The following TTBK2 variants were observed in gnomAD, a reference collection of about 807,000 sequenced individuals.
TTBK2 encodes the protein tau tubulin kinase 2.
A neutral mutation model predicts 110.8 loss-of-function variants in TTBK2; 28 were observed. The observed-to-expected ratio is 0.25, with a 90% CI of 0.19 to 0.35. The LOEUF is 0.35. TTBK2 is among the 10% of genes least tolerant of loss of function. The probability of loss-of-function intolerance (pLI) is 1.00; values close to 1 mark genes in which losing one functional copy is unlikely to be tolerated. For synonymous variants in TTBK2, 532 were observed against 527.3 expected, an observed-to-expected ratio of 1.01 and a Z score of -0.12; for missense variants, 1,369 against 1,500.3, an observed-to-expected ratio of 0.91 and a Z score of 1.45.
chr15:42,818,427 T>C (rs890213925), intron 6 of TTBK2, among the ~76,000 whole-genome samples: 6 of 152,216 alleles, frequency 3.9e-5, no homozygotes, highest in African/African-American at 1.4e-4. Flanking sequence ...CTTTCAACAT[T>C]GTCTCCATTC....
At chr15:42,771,471 A>G (rs1420180781) in intron 13 of TTBK2, among the ~76,000 whole-genome samples, 1 of 152,152 alleles carries the variant, frequency 6.6e-6, no homozygotes, top group Non-Finnish European at 1.5e-5. Context: ...TTCATTGCCA[A>G]CCTGACAGGT....
chr15:42,827,867 T>C (rs1595956363), intron 6 of TTBK2, 61 bp downstream of exon 6: 2 of 1,345,516 alleles, frequency 1.5e-6, no homozygotes, highest in East Asian at 4.7e-5. Flanking sequence ...GTTTAAAAAG[T>C]GTGATACTAT....
At chr15:42,816,111 T>C (rs1892013010) in intron 7 of TTBK2, among the ~76,000 whole-genome samples, 1 of 125,024 alleles carries the variant, frequency 8.0e-6, no homozygotes, top group Non-Finnish European at 1.6e-5. Context: ...TATATATATA[T>C]ATATATATGT....
At position 42,777,255 on chromosome 15, in the gene TTBK2, T is replaced by C. The variant is rs200470495; in HGVS notation, c.1198-13A>G. The C allele has an allele frequency of 6.2e-7, 1 of 1,613,514 alleles. No homozygotes were observed. The highest frequency in any genetic ancestry group is 1.1e-5 in the South Asian group (1 of 90,974). On this transcript the variant is annotated splice_polypyrimidine_tract_variant and intron_variant, in intron 11 of 14. Coordinates refer to ENST00000267890, the MANE Select transcript of TTBK2 (RefSeq NM_173500.4). ...CTTCAGTAGCAGCCTATCCAAAATA[T>C]AAAATAAAATCATGAAAAACATTCT...
intron 13 of TTBK2, among the ~76,000 whole-genome samples, chr15:42,759,106 A>G (rs944623420): frequency 5.9e-5 from 9 of 152,214 alleles, no homozygotes; most frequent in Admixed American, 2.6e-4. Flanking sequence ...GCTGGTGGCT[A>G]CAATGTCATG....
chr15:42,750,118 A>G (rs2061845224), intron 14 of TTBK2, among the ~76,000 whole-genome samples: 1 of 152,142 alleles, frequency 6.6e-6, no homozygotes, highest in Non-Finnish European at 1.5e-5. Context: ...AACCCACAGC[A>G]AATCCCGAAG....
chr15:42,872,376 T>C (rs1002915169), intron 3 of TTBK2, among the ~76,000 whole-genome samples: 11 of 152,192 alleles, frequency 7.2e-5, no homozygotes, highest in Non-Finnish European at 1.2e-4. Context: ...CACTCTCTTA[T>C]CCTTACTCCA....
intron 9 of TTBK2, chr15:42,800,979 T>G: frequency 1.3e-6 from 1 of 758,068 alleles, no homozygotes; most frequent in Non-Finnish European, 2.4e-6. Flanking sequence ...GGGCAGGACG[T>G]TGGAGGACTC....
Position 42,878,490 on chromosome 15 carries a change from TATACACACAC to T in TTBK2, c.69+49_69+58del, listed in dbSNP as rs1393072200. 3.0e-6 allele frequency: 4 copies of T among 1,343,928 alleles called. No individual in the cohort carries two copies. In the African/African-American group the frequency reaches 9.9e-5, roughly 33 times the overall value. 83.3% of individuals were successfully genotyped at this position (1,343,928 alleles called of 1,614,324 possible). A position where few individuals can be genotyped will look rare whatever the true frequency, so the allele number is the denominator to read the frequency against. ...ATACCAAAAATTACCCCCCGATATG[TATACACACAC>T]ACACACACACACACACACACACACA... On this transcript the variant is annotated intron_variant, in intron 2 of 14. Coordinates refer to ENST00000267890, the MANE Select transcript of TTBK2 (RefSeq NM_173500.4).
intron 1 of TTBK2, among the ~76,000 whole-genome samples, chr15:42,912,102 G>A (rs1389832291): frequency 4.6e-5 from 7 of 152,174 alleles, no homozygotes; most frequent in Non-Finnish European, 7.3e-5. Flanking sequence ...CTTGGTCTAC[G>A]TGAAAAGGGT....
chr15:42,753,596 A>G, intron 13 of TTBK2, among the ~76,000 whole-genome samples: 1 of 152,206 alleles, frequency 6.6e-6, no homozygotes, highest in East Asian at 1.9e-4. Context: ...ACAGGCAATC[A>G]GAGGGTTAGA....
intron 13 of TTBK2, among the ~76,000 whole-genome samples, chr15:42,770,900 T>G (rs1387671460): frequency 2.0e-5 from 3 of 152,182 alleles, no homozygotes; most frequent in Non-Finnish European, 4.4e-5. Flanking sequence ...GTCACTGTAG[T>G]TTATACAAGG....
chr15:42,852,751 C>T (rs1024818655), intron 3 of TTBK2, among the ~76,000 whole-genome samples: 34 of 152,056 alleles, frequency 2.2e-4, no homozygotes, highest in African/African-American at 6.3e-4. Flanking sequence ...TGAAAATGAA[C>T]GTATTCAACA....
chr15:42,776,836 AATT>A, intron 12 of TTBK2, 192 bp downstream of exon 12: 1 of 632,418 alleles, frequency 1.6e-6, no homozygotes, highest in East Asian at 2.8e-5. Context: ...AATTTATAAT[AATT>A]AAGAATCAGG....
intron 4 of TTBK2, among the ~76,000 whole-genome samples, chr15:42,834,448 C>T (rs774026152): frequency 1.1e-4 from 16 of 152,020 alleles, no homozygotes; most frequent in South Asian, 4.2e-4. Context: ...CAAGGCTTAA[C>T]GGAGAAATGG....
chr15:42,909,470 C>T (rs1371586284), intron 1 of TTBK2, among the ~76,000 whole-genome samples: 1 of 152,044 alleles, frequency 6.6e-6, no homozygotes, highest in Non-Finnish European at 1.5e-5. Context: ...TACATCAGAC[C>T]CACCCAGATA....
intron 1 of TTBK2, among the ~76,000 whole-genome samples, chr15:42,884,933 C>T (rs1410644091): frequency 6.6e-6 from 1 of 151,972 alleles, no homozygotes; most frequent in East Asian, 1.9e-4. Flanking sequence ...TTTGTAATCT[C>T]CCCCACGCTT....
chr15:42,753,069 C>T lies in TTBK2; in HGVS notation c.2177G>A (p.Ser726Asn). ...VTEGEPPSGG[S>N]RTDLGLQIDH... ...TATCTGAAGCCCCAAATCTGTTCTG[C>T]TTCCTCCACTAGGAGGTTCACCCTC... The change falls in exon 14 of 15, where the codon AGC becomes AAC. Residue 726 changes from serine (S) to asparagine (N), a missense_variant. Ser to Asn is a conservative substitution (Grantham distance 46). This residue lies in a region of TTBK2 where 1,097 missense variants were observed against 1,114.7 expected (regional missense o/e 0.98). Coordinates refer to ENST00000267890, the MANE Select transcript of TTBK2 (RefSeq NM_173500.4). 1 of 1,610,662 alleles carries T rather than the reference C, an allele frequency of 6.2e-7. No homozygotes were observed. The highest frequency in any genetic ancestry group is 1.7e-5 in the Admixed American group (1 of 59,598).
chr15:42,810,788 A>C, intron 8 of TTBK2, 49 bp from the exon 9 acceptor site: 2 of 1,608,364 alleles, frequency 1.2e-6, no homozygotes, highest in Non-Finnish European at 1.7e-6. Context: ...CTTGGTGGTT[A>C]GGCATTAAGA....
Sources: gnomAD v4.1 joint callset for allele counts (sites outside exome capture counted in the v4.1 genomes callset) on GRCh38, gnomAD v4.1.1 for gene constraint, gnomAD v4.1.1 regional missense constraint, MANE v1.5 for transcripts, NCBI Gene and HGNC (gene_info 2026-07-23, HGNC 2026-07-21) for gene names.